CRYM: variants seen among roughly 807,000 people sequenced by gnomAD.
The protein encoded by CRYM is crystallin mu.
CRYM carries 18 observed loss-of-function variants against 32.9 expected under a neutral mutation model. The observed-to-expected ratio is 0.55, with a 90% CI of 0.38 to 0.81. CRYM has a LOEUF of 0.81. Among genes scored for constraint, CRYM ranks in the 30% least tolerant of loss-of-function variants. The pLI, the probability that CRYM is intolerant of heterozygous loss-of-function variation, is 0.00. For missense variants in CRYM, 337 were observed against 393.5 expected (o/e 0.86, Z 1.21); for synonymous variants, 153 against 152.4 (o/e 1.00, Z -0.03).
chr16:21,267,251 C>G (rs1371258370), intron 5 of CRYM, among the ~76,000 whole-genome samples: 1 of 151,956 alleles, frequency 6.6e-6, no homozygotes, highest in Non-Finnish European at 1.5e-5. Flanking sequence ...GTGCAAGCCA[C>G]CATGCCTGGC....
Position 21,277,552 on chromosome 16 carries a change from G to A in CRYM, c.203C>T (p.Ala68Val). ...CAACTTGGTGGTCAGTGCATCCTCT[G>A]CAGCACTGTAGGCGGGCATGACCCC... is the stretch of plus-strand genomic sequence containing the variant. ...YLGVMPAYSA[A>V]EDALTTKLVT... Residue 68 changes from alanine (A) to valine (V), a missense_variant, in exon 2 of 8, where the codon GCA (alanine) becomes GTA (valine). By Grantham distance (64) the Ala-to-Val change is moderately conservative. Coordinates refer to ENST00000572914, the MANE Select transcript of CRYM (RefSeq NM_001376256.1). The surrounding 1 kb of genome is among the most constrained non-coding windows in gnomAD (Gnocchi z 4.2). 1 of 1,614,004 alleles carries A rather than the reference G, an allele frequency of 6.2e-7. No homozygotes were observed. The highest frequency in any genetic ancestry group is 8.5e-7 in the Non-Finnish European group (1 of 1,180,008).
chr16:21,282,717 T>C (rs545065426), upstream of CRYM, among the ~76,000 whole-genome samples: 13 of 152,080 alleles, frequency 8.5e-5, no homozygotes, highest in Non-Finnish European at 1.9e-4. Context: ...ACAGGACAAC[T>C]CTGCAAATCA....
chr16:21,280,460 G>A (rs2093396216), upstream of CRYM, among the ~76,000 whole-genome samples: 2 of 152,008 alleles, frequency 1.3e-5, no homozygotes, highest in Admixed American at 6.6e-5. Context: ...GGGCCAAGCA[G>A]ACCCCAGAAA....
At chr16:21,273,097 TA>T (rs2093379376) in intron 3 of CRYM, among the ~76,000 whole-genome samples, 1 of 152,164 alleles carries the variant, frequency 6.6e-6, no homozygotes, top group South Asian at 2.1e-4. Context: ...GACACTCAAA[TA>T]TTTGTTGAAT....
rs532302040 is a variant in CRYM at position 21,293,711 on chromosome 16, G to A, written c.-193+9267C>T. On this transcript the variant is annotated intron_variant, in intron 1 of 9. Coordinates refer to the CRYM transcript ENST00000219599. ...TTAGCAAGAATCACAGAATTGAGTCGCTTCATTCCCTTAGAAAAAGTTCTA... is the reference window on the plus strand; with the variant it reads ...TTAGCAAGAATCACAGAATTGAGTCACTTCATTCCCTTAGAAAAAGTTCTA... Among the ~76,000 whole-genome samples the A allele has an allele frequency of 5.9e-5, 9 of 152,208 alleles. No individual in the cohort carries two copies. The South Asian group carries it at 1.9e-3, about 32-fold the overall frequency.
chr16:21,274,076 A>T (rs1292015048), intron 3 of CRYM, among the ~76,000 whole-genome samples: 1 of 152,176 alleles, frequency 6.6e-6, no homozygotes, highest in Non-Finnish European at 1.5e-5. Flanking sequence ...CTGGGTTACC[A>T]CGTTTCCTTT....
intron 1 of CRYM, among the ~76,000 whole-genome samples, chr16:21,293,512 TA>T (rs1597630618): frequency 1.3e-5 from 2 of 152,160 alleles, no homozygotes; most frequent in African/African-American, 2.4e-5. Context: ...ATCCTGGTTA[TA>T]GGGGGAAATA....
At chr16:21,281,937 C>T (rs1009362455), upstream of CRYM, among the ~76,000 whole-genome samples, 51 of 152,270 alleles carry the variant, frequency 3.3e-4, no homozygotes, top group Admixed American at 5.2e-4. Context: ...TACCCCAACC[C>T]TCCTCCTTCA....
At chr16:21,267,966 C>T (rs1463090879) in intron 4 of CRYM, among the ~76,000 whole-genome samples, 3 of 152,184 alleles carry the variant, frequency 2.0e-5, no homozygotes, top group Admixed American at 2.0e-4. Context: ...ACCACTTTCC[C>T]CTTTTAAAAT....
intron 1 of CRYM, among the ~76,000 whole-genome samples, chr16:21,299,314 T>C (rs1196577270): frequency 6.6e-6 from 1 of 152,070 alleles, no homozygotes; most frequent in Non-Finnish European, 1.5e-5. Context: ...TTTTAATTTT[T>C]TTTTTACTTT....
At chr16:21,291,816 A>G (rs1010143285) in intron 1 of CRYM, among the ~76,000 whole-genome samples, 1 of 152,062 alleles carries the variant, frequency 6.6e-6, no homozygotes, top group South Asian at 2.1e-4. Flanking sequence ...TCTGAATATC[A>G]GCCCTTTGTG....
In CRYM at chr16:21,277,829, C is replaced by T. The variant is rs1386922656; in HGVS notation, c.171-245G>A. Among the ~76,000 whole-genome samples the T allele has an allele frequency of 4.6e-5, 7 of 152,124 alleles. No homozygotes were observed. The highest frequency in any genetic ancestry group is 6.5e-5 in the Admixed American group (1 of 15,270). On this transcript the variant is annotated intron_variant, in intron 1 of 7. Coordinates refer to ENST00000572914, the MANE Select transcript of CRYM (RefSeq NM_001376256.1). This position sits in a 1 kb window ranked among gnomAD's most constrained non-coding sequence, Gnocchi z 4.2. The stretch of plus-strand genomic sequence containing the variant: ...TGTAAGCTTAGGTAAGTCACTTAAC[C>T]TCTCTGAGTCTCAGTTTTCCACCAA...
At chr16:21,302,788 A>G (rs1960985264) in intron 1 of CRYM, among the ~76,000 whole-genome samples, 1 of 152,228 alleles carries the variant, frequency 6.6e-6, no homozygotes, top group African/African-American at 2.4e-5. Context: ...GTCCTTGACA[A>G]AGATGATTCT....
chr16:21,271,863 A>T (rs547265093), intron 3 of CRYM, among the ~76,000 whole-genome samples: 58 of 147,148 alleles, frequency 3.9e-4, no homozygotes, highest in South Asian at 6.5e-4. Context: ...TATTTTTAAA[A>T]TTTTTTTTTT....
At chr16:21,269,661 T>C (rs976015440) in intron 4 of CRYM, 129 bp downstream of exon 4, 9 of 666,632 alleles carry the variant, frequency 1.4e-5, no homozygotes, top group African/African-American at 7.2e-5. Context: ...GTCATGAAGA[T>C]ACAAGAATGG....
chr16:21,287,277 G>C (rs1345614972), intron 1 of CRYM, among the ~76,000 whole-genome samples: 2 of 152,172 alleles, frequency 1.3e-5, no homozygotes, highest in African/African-American at 2.4e-5. Flanking sequence ...CTCTTTGTTA[G>C]AGAGGAAATT....
intron 1 of CRYM, among the ~76,000 whole-genome samples, chr16:21,298,332 A>G (rs1302845867): frequency 6.6e-6 from 1 of 152,254 alleles, no homozygotes; most frequent in Non-Finnish European, 1.5e-5. Flanking sequence ...CCCAAGAGAT[A>G]CGTAAAATAA....
chr16:21,299,836 T>G (rs1960868643), intron 1 of CRYM: 1 of 152,256 alleles, frequency 6.6e-6, no homozygotes, highest in South Asian at 2.1e-4. Context: ...TATAGTTAAG[T>G]AAATGTAGCA....
At chr16:21,295,880 C>T (rs143060247) in intron 1 of CRYM, among the ~76,000 whole-genome samples, 4 of 151,718 alleles carry the variant, frequency 2.6e-5, no homozygotes, top group African/African-American at 7.3e-5. Context: ...TGCAGTGAGC[C>T]GAGATCATGC....
Sources: gnomAD v4.1 joint callset for allele counts (sites outside exome capture counted in the v4.1 genomes callset) on GRCh38, gnomAD v4.1.1 for gene constraint, Gnocchi (gnomAD v3.1) non-coding constraint, MANE v1.5 for transcripts, NCBI Gene and HGNC (gene_info 2026-07-23, HGNC 2026-07-21) for gene names.